GARRE1: variants seen among roughly 807,000 people sequenced by gnomAD.
GARRE1 encodes the protein granule associated Rac and RHOG effector protein 1.
Under a neutral mutation model 103.2 loss-of-function variants are expected in GARRE1, and 49 were observed. That is an observed-to-expected ratio of 0.47 (90% CI 0.38 to 0.60). GARRE1 has a LOEUF of 0.60. Ranked by LOEUF, GARRE1 falls within the 20% of genes least tolerant of loss-of-function variation. GARRE1 has a pLI of 0.00. For missense variants in GARRE1, 1,199 were observed against 1,370.5 expected (o/e 0.87, Z 1.98); for synonymous variants, 505 against 532.8 (o/e 0.95, Z 0.72).
At chr19:34,262,576 G>A (rs958544540) in intron 1 of GARRE1, among the ~76,000 whole-genome samples, 7 of 151,988 alleles carry the variant, frequency 4.6e-5, no homozygotes, top group Non-Finnish European at 7.4e-5. Context: ...GATTGTAGGC[G>A]TGAGTCACCT....
At chr19:34,266,521 C>G (rs2073752695) in intron 1 of GARRE1, among the ~76,000 whole-genome samples, 1 of 152,094 alleles carries the variant, frequency 6.6e-6, no homozygotes, top group African/African-American at 2.4e-5. Context: ...GCCACCATGC[C>G]CAGCTAATGT....
At chr19:34,295,297 A>T (rs1352298320) in intron 1 of GARRE1, among the ~76,000 whole-genome samples, 2 of 152,182 alleles carry the variant, frequency 1.3e-5, no homozygotes, top group Non-Finnish European at 2.9e-5. Context: ...CACTGTTCTT[A>T]CCAGGATTCA....
At chr19:34,304,153 C>T (rs1027740956) in intron 2 of GARRE1, among the ~76,000 whole-genome samples, 1 of 151,044 alleles carries the variant, frequency 6.6e-6, no homozygotes, top group African/African-American at 2.4e-5. Context: ...AGTGCATTGG[C>T]GATCTCAGCT....
intron 1 of GARRE1, among the ~76,000 whole-genome samples, chr19:34,265,220 G>A (rs1016042437): frequency 1.3e-5 from 2 of 152,118 alleles, no homozygotes; most frequent in Admixed American, 6.6e-5. Flanking sequence ...CCCCACCCCC[G>A]GTCCCCGAGG....
At chr19:34,285,283 A>G (rs1349307934) in intron 1 of GARRE1, 1 of 152,156 alleles carries the variant, frequency 6.6e-6, no homozygotes, top group Non-Finnish European at 1.5e-5. Flanking sequence ...GGTAGGTATT[A>G]CCACCTTCTC....
chr19:34,305,937 TGA>T (rs1417000550), intron 2 of GARRE1, among the ~76,000 whole-genome samples: 11 of 152,216 alleles, frequency 7.2e-5, no homozygotes, highest in African/African-American at 2.4e-4. Flanking sequence ...GCGTCTATTC[TGA>T]GTTTCAAACA....
chr19:34,329,481 T>G (rs567272129), intron 6 of GARRE1, among the ~76,000 whole-genome samples: 1 of 152,332 alleles, frequency 6.6e-6, no homozygotes, highest in South Asian at 2.1e-4. Flanking sequence ...AGAAAATCTC[T>G]GAGAGTGATT....
intron 1 of GARRE1, among the ~76,000 whole-genome samples, chr19:34,290,438 G>A (rs1327515791): frequency 6.6e-6 from 1 of 152,070 alleles, no homozygotes; most frequent in Non-Finnish European, 1.5e-5. Context: ...CCTGAAATGT[G>A]CTAAGAGGAC....
chr19:34,321,223 ATTTTTT>A (rs71165648), intron 3 of GARRE1, among the ~76,000 whole-genome samples: 52 of 77,376 alleles, frequency 6.7e-4, no homozygotes, highest in South Asian at 1.8e-3. Flanking sequence ...AGCCCGGCTA[ATTTTTT>A]TTTTTTTTTT....
At chr19:34,326,272 T>TC (rs1260100469) in intron 3 of GARRE1, among the ~76,000 whole-genome samples, 2 of 152,246 alleles carry the variant, frequency 1.3e-5, no homozygotes, top group Admixed American at 1.3e-4. Flanking sequence ...TTTCCTGTAG[T>TC]CTGCAAGTTT....
intron 1 of GARRE1, among the ~76,000 whole-genome samples, chr19:34,284,185 C>T (rs1483724968): frequency 2.2e-5 from 3 of 133,826 alleles, no homozygotes; most frequent in Non-Finnish European, 3.1e-5. Flanking sequence ...GGCTAGAGTG[C>T]GGTGGTGCAA....
At chr19:34,319,822 T>C in intron 2 of GARRE1, 85 bp from the exon 3 acceptor site, 1 of 1,095,874 alleles carries the variant, frequency 9.1e-7, no homozygotes, top group Non-Finnish European at 1.4e-6. Context: ...CTATTGCTTC[T>C]ATTCAAGTTG....
At chr19:34,281,278 G>A (rs143187595) in intron 1 of GARRE1, among the ~76,000 whole-genome samples, 10 of 152,130 alleles carry the variant, frequency 6.6e-5, no homozygotes, top group African/African-American at 2.4e-4. Context: ...GCACTACCAT[G>A]TCTGGATAAT....
At chr19:34,320,529 C>T (rs543513713) in intron 3 of GARRE1, among the ~76,000 whole-genome samples, 1 of 152,130 alleles carries the variant, frequency 6.6e-6, no homozygotes, top group Non-Finnish European at 1.5e-5. Flanking sequence ...GGTAAGTGGC[C>T]AGCCAGGCAG....
At chr19:34,264,869 C>T (rs780180749) in intron 1 of GARRE1, among the ~76,000 whole-genome samples, 2 of 152,246 alleles carry the variant, frequency 1.3e-5, no homozygotes, top group East Asian at 1.9e-4. Flanking sequence ...ATGCAGGGCA[C>T]GTGGGAATAA....
At chr19:34,258,809 AAT>A (rs1437491490) in intron 1 of GARRE1, among the ~76,000 whole-genome samples, 2 of 151,954 alleles carry the variant, frequency 1.3e-5, no homozygotes, top group Non-Finnish European at 2.9e-5. Flanking sequence ...AAGAAAAGAA[AAT>A]ATCACTTCTT....
At chr19:34,296,468 C>T in intron 1 of GARRE1, 1 of 1,594,084 alleles carries the variant, frequency 6.3e-7, no homozygotes. Flanking sequence ...GTCGATCGAG[C>T]TTGTGGCTGA....
intron 1 of GARRE1, among the ~76,000 whole-genome samples, chr19:34,272,780 G>C (rs573296758): frequency 6.6e-6 from 1 of 152,346 alleles, no homozygotes; most frequent in African/African-American, 2.4e-5. Context: ...ACCTGTGGCA[G>C]CAGATTGCCA....
At chr19:34,330,625 T>C (rs1462902175) in intron 7 of GARRE1, among the ~76,000 whole-genome samples, 1 of 152,030 alleles carries the variant, frequency 6.6e-6, no homozygotes, top group Non-Finnish European at 1.5e-5. Context: ...CATTACAGTC[T>C]GGGCCCCATG....
Sources: gnomAD v4.1 joint callset for allele counts (sites outside exome capture counted in the v4.1 genomes callset) on GRCh38, gnomAD v4.1.1 for gene constraint, MANE v1.5 for transcripts, NCBI Gene and HGNC (gene_info 2026-07-23, HGNC 2026-07-21) for gene names.